AADAT: variants seen among roughly 807,000 people sequenced by gnomAD.
The protein encoded by AADAT is aminoadipate aminotransferase.
Under a neutral mutation model 56.2 loss-of-function variants are expected in AADAT, and 25 were observed. The observed-to-expected ratio is 0.44, with a 90% CI of 0.32 to 0.62. The LOEUF (loss-of-function observed/expected upper bound fraction) is 0.62. Ranked by LOEUF, AADAT falls within the 20% of genes least tolerant of loss-of-function variation. AADAT has a pLI of 0.04. For synonymous variants in AADAT, 173 were observed against 164.7 expected (o/e 1.05, Z -0.39); for missense variants, 387 against 510.5 (o/e 0.76, Z 2.33).
chr4:170,092,084 G>A (rs1732865228), upstream of AADAT, among the ~76,000 whole-genome samples: 1 of 152,154 alleles, frequency 6.6e-6, no homozygotes, highest in Non-Finnish European at 1.5e-5. Flanking sequence ...AGGCCAATTG[G>A]CTCTCTGTAA....
In AADAT at chr4:170,063,871, G is replaced by A. The variant is rs145491196; in HGVS notation, c.1134+848C>T. Among the ~76,000 whole-genome samples the A allele has an allele frequency of 5.4e-3, 817 of 152,024 alleles. 8 individuals carry two copies. Among genetic ancestry groups the A allele is most frequent in the African/African-American group, 0.019 (779 of 41,442 alleles). On this transcript the variant is annotated intron_variant, in intron 11 of 12. Coordinates refer to ENST00000337664, the MANE Select transcript of AADAT (RefSeq NM_016228.4). ...AATAATTTATCTGGTAAACTGGAAA[G>A]CTACACAGAAAAATATTTAGAATTT...
At chr4:170,078,715 A>G (rs1372687075) in intron 3 of AADAT, 132 bp from the exon 4 acceptor site, 5 of 484,650 alleles carry the variant, frequency 1.0e-5, no homozygotes, top group African/African-American at 2.0e-5. Flanking sequence ...ATAAGGGGCC[A>G]AACAGTAAAC....
Position 170,073,199 on chromosome 4 carries a change from A to G in AADAT, c.591T>C (p.Val197=), listed in dbSNP as rs12640652. The part of the protein sequence containing the change: ...QKNTPKFLYT[V]PNGNNPTGNS... ...TTCCAGTAGGGTTGTTGCCATTTGGAACAGTATAAAGAAATTTGGGGGTGT... is the reference window on the plus strand; with the variant it reads ...TTCCAGTAGGGTTGTTGCCATTTGGGACAGTATAAAGAAATTTGGGGGTGT... Residue 197 remains valine (V), a synonymous_variant, in exon 5 of 13, where the codon GTT becomes GTC. Coordinates refer to ENST00000337664, the MANE Select transcript of AADAT (RefSeq NM_016228.4). 1,944 of 1,614,068 alleles carry G rather than the reference A, an allele frequency of 1.2e-3. 48 individuals are homozygous for G. In the East Asian group the frequency reaches 0.04, roughly 33 times the overall value.
intron 3 of AADAT, among the ~76,000 whole-genome samples, chr4:170,081,607 A>C (rs2111197721): frequency 6.6e-6 from 1 of 152,368 alleles, no homozygotes; most frequent in Middle Eastern, 3.4e-3. Flanking sequence ...TTGTCTGGCA[A>C]CAGACATCTC....
At chr4:170,068,508 G>T in intron 8 of AADAT, 83 bp downstream of exon 8, 20 of 1,042,706 alleles carry the variant, frequency 1.9e-5, no homozygotes, top group Non-Finnish European at 2.7e-5. Context: ...CAGGTTTGGA[G>T]TTCCTGTGCT....
intron 3 of AADAT, among the ~76,000 whole-genome samples, chr4:170,082,886 A>G (rs922122549): frequency 2.6e-5 from 4 of 152,038 alleles, no homozygotes; most frequent in Non-Finnish European, 4.4e-5. Flanking sequence ...CAACCTCCCA[A>G]GTATACAAAT....
In AADAT at chr4:170,089,836, G is replaced by A. The variant is rs1417489103; in HGVS notation, c.-146C>T. On this transcript the variant is annotated 5_prime_UTR_variant, in exon 1 of 13. Coordinates refer to ENST00000337664, the MANE Select transcript of AADAT (RefSeq NM_016228.4). ...CCCCCCGCTGCGTCTGGCTTCCCGC[G>A]CGCGGTGCCCGGAGAACGCCGCCGA... 1 of 791,492 alleles carries A rather than the reference G, an allele frequency of 1.3e-6. No individual in the cohort carries two copies. Among genetic ancestry groups the A allele is most frequent in the Non-Finnish European group, 2.1e-6 (1 of 487,742 alleles). 49.0% of individuals were successfully genotyped at this position (791,492 alleles called of 1,614,324 possible).
intron 5 of AADAT, among the ~76,000 whole-genome samples, chr4:170,071,319 T>C (rs979488252): frequency 1.3e-5 from 2 of 152,108 alleles, no homozygotes; most frequent in Admixed American, 1.3e-4. Flanking sequence ...CCAGACCAGG[T>C]AATATCAGAG....
rs369172941 is a variant in AADAT at position 170,089,728 on chromosome 4, G to A, written c.-38C>T. On this transcript the variant is annotated 5_prime_UTR_variant, in exon 1 of 13. Coordinates refer to ENST00000337664, the MANE Select transcript of AADAT (RefSeq NM_016228.4). Reference sequence around the variant, plus strand: ...CCAAGCATCAAGCTTCTTCTTCAGTGGTTGAGGACTAGAAAAACCAAAGAG... The same window carrying A: ...CCAAGCATCAAGCTTCTTCTTCAGTAGTTGAGGACTAGAAAAACCAAAGAG... The A allele has an allele frequency of 6.2e-7, 1 of 1,609,166 alleles. No individual in the cohort carries two copies. Among genetic ancestry groups the A allele is most frequent in the Non-Finnish European group, 8.5e-7 (1 of 1,176,024 alleles).
rs1341828977 is a variant in AADAT at position 170,089,869 on chromosome 4, C to T, written c.-179G>A. ...CCCGGAGAACGCCGCCGAAACTCCC[C>T]GGCTGGACGCTGCGTTCGGTCTCCC... On this transcript the variant is annotated 5_prime_UTR_variant, in exon 1 of 13. Coordinates refer to ENST00000337664, the MANE Select transcript of AADAT (RefSeq NM_016228.4). 7 of 626,796 alleles carry T rather than the reference C, an allele frequency of 1.1e-5. 1 individual carries two copies. Among genetic ancestry groups the T allele is most frequent in the South Asian group, 7.4e-5 (4 of 54,158 alleles). The allele number at this position is 626,796 out of a possible 1,614,324, so 38.8% of individuals were successfully genotyped here.
intron 3 of AADAT, among the ~76,000 whole-genome samples, chr4:170,084,890 G>A (rs1008609011): frequency 6.6e-6 from 1 of 152,158 alleles, no homozygotes; most frequent in Non-Finnish European, 1.5e-5. Flanking sequence ...GTTGATCCTT[G>A]AACAACATAG....
chr4:170,090,303 C>G (rs1020825138), upstream of AADAT: 20 of 152,080 alleles, frequency 1.3e-4, no homozygotes, highest in African/African-American at 4.1e-4. Context: ...AGGGGGCTCC[C>G]GAGCTGCGCC....
In AADAT at chr4:170,089,738, TAGAAAAACCAAAGAGCCTCGTCAAG is replaced by T; in HGVS notation, c.-73_-49del. ...AGCTTCTTCTTCAGTGGTTGAGGAC[TAGAAAAACCAAAGAGCCTCGTCAAG>T]TCCTGCCTGCTAACTCCTCACTCTG... On this transcript the variant is annotated 5_prime_UTR_variant, in exon 1 of 13. Coordinates refer to ENST00000337664, the MANE Select transcript of AADAT (RefSeq NM_016228.4). 1.3e-6 allele frequency: 2 copies of T among 1,598,964 alleles called. No individual in the cohort carries two copies. The highest frequency in any genetic ancestry group is 1.7e-6 in the Non-Finnish European group (2 of 1,167,884).
rs978823019 is a variant in AADAT, at chr4:170,065,512, T to C, written c.1028-687A>G. ...TTGTCAGAAAGATACTAATTCTGTT[T>C]TTTTTTTTTTGGATGGAGTTTTGCC... On this transcript the variant is annotated intron_variant, in intron 10 of 12. Coordinates refer to ENST00000337664, the MANE Select transcript of AADAT (RefSeq NM_016228.4). Among the ~76,000 whole-genome samples, 3 of 151,894 alleles carry C rather than the reference T, an allele frequency of 2.0e-5. No individual in the cohort carries two copies. The East Asian group carries it at 5.8e-4, about 29-fold the overall frequency.
intron 12 of AADAT, 21 bp from the exon 13 acceptor site, chr4:170,060,990 T>G: frequency 7.0e-7 from 1 of 1,426,680 alleles, no homozygotes; most frequent in Non-Finnish European, 9.5e-7. Context: ...AAAAAAAAAT[T>G]AGAATTAATT....
Position 170,070,663 on chromosome 4 carries a change from TTGA to T in AADAT, c.655-14_655-12del. 1 of 815,638 alleles carries T rather than the reference TTGA, an allele frequency of 1.2e-6. No homozygotes were observed. The highest frequency in any genetic ancestry group is 1.7e-6 in the Non-Finnish European group (1 of 596,748). The allele number at this position is 815,638 out of a possible 1,614,324, so 50.5% of individuals were successfully genotyped here. On this transcript the variant is annotated splice_polypyrimidine_tract_variant and intron_variant, in intron 5 of 12. Transcript: ENST00000337664. ...ATATTTTCTTGCAAGCTAAAAAAGGTTGAAGTAATTGTTTATTTCTTAATCTAT... is the reference window on the plus strand; with the variant it reads ...ATATTTTCTTGCAAGCTAAAAAAGGTAGTAATTGTTTATTTCTTAATCTAT...
At chr4:170,079,878 T>G (rs1732206940) in intron 3 of AADAT, among the ~76,000 whole-genome samples, 1 of 152,206 alleles carries the variant, frequency 6.6e-6, no homozygotes, top group Non-Finnish European at 1.5e-5. Context: ...GTTACTGGCA[T>G]ATGGTTGATC....
intron 1 of AADAT, chr4:170,089,265 C>CCCTCT (rs1308270248): frequency 2.0e-6 from 1 of 489,196 alleles, no homozygotes. Flanking sequence ...ATTTACCTGG[C>CCCTCT]CCTCTCCACT....
intron 10 of AADAT, among the ~76,000 whole-genome samples, chr4:170,065,466 C>T (rs1731408457): frequency 6.6e-6 from 1 of 150,590 alleles, no homozygotes; most frequent in Non-Finnish European, 1.5e-5. Context: ...TACTATTATG[C>T]AAAGTGGTAA....
Sources: gnomAD v4.1 joint callset for allele counts (sites outside exome capture counted in the v4.1 genomes callset) on GRCh38, gnomAD v4.1.1 for gene constraint, MANE v1.5 for transcripts, NCBI Gene and HGNC (gene_info 2026-07-23, HGNC 2026-07-21) for gene names.